Variants in ASH2L observed in about 807,000 individuals in gnomAD.
ASH2L encodes ASH2 like, histone lysine methyltransferase complex subunit.
A neutral mutation model predicts 81.1 loss-of-function variants in ASH2L; 30 were observed. The ratio of observed to expected loss-of-function variants is 0.37; its 90% CI spans 0.28 to 0.50. The LOEUF (loss-of-function observed/expected upper bound fraction) is 0.50. Among genes scored for constraint, ASH2L ranks in the 20% least tolerant of loss-of-function variants. The probability of loss-of-function intolerance (pLI) is 0.95; values close to 1 mark genes in which losing one functional copy is unlikely to be tolerated. For missense variants in ASH2L, 559 were observed against 792.1 expected, an observed-to-expected ratio of 0.71 and a Z score of 3.53; for synonymous variants, 273 against 279.9, an observed-to-expected ratio of 0.98 and a Z score of 0.24.
chr8:38,121,018 T>A lies in ASH2L; in HGVS notation c.1034T>A (p.Leu345Gln). 6.2e-7 allele frequency: 1 copy of A among 1,613,844 alleles called. No homozygotes were observed. Among genetic ancestry groups the A allele is most frequent in the Non-Finnish European group, 8.5e-7 (1 of 1,179,922 alleles). The change falls in exon 10 of 16, where the codon CTA becomes CAA. Residue 345 changes from leucine to glutamine, a missense_variant. Leu to Gln is a moderately radical substitution (Grantham distance 113). Transcript: ENST00000343823. ...AACAAAGATGGCTATCGGTATATTC[T>A]AGCTGAGCCTGATCCGCACGCCCCT... is the stretch of plus-strand genomic sequence containing the variant. Reference protein sequence around the residue: ...PFNKDGYRYILAEPDPHAPDP... With the variant: ...PFNKDGYRYIQAEPDPHAPDP...
intron 7 of ASH2L, among the ~76,000 whole-genome samples, chr8:38,116,163 A>G (rs192333860): frequency 8.5e-5 from 13 of 152,310 alleles, no homozygotes; most frequent in Admixed American, 8.5e-4. Context: ...AGGAGTTTTG[A>G]GACCAGCCTA....
intron 14 of ASH2L, among the ~76,000 whole-genome samples, chr8:38,136,217 G>C (rs1802250965): frequency 1.3e-5 from 2 of 148,996 alleles, no homozygotes. Flanking sequence ...CTCCTGAGTA[G>C]GTGGGGTGTG....
chr8:38,120,677 T>A (rs1268510254), intron 9 of ASH2L, among the ~76,000 whole-genome samples: 1 of 126,580 alleles, frequency 7.9e-6, no homozygotes, highest in African/African-American at 3.0e-5. Context: ...TCAATTCATG[T>A]TTAAAGACCA....
rs377548882 is a variant in ASH2L, at chr8:38,126,620, C to T, written c.1166-1671C>T. On this transcript the variant is annotated intron_variant, in intron 10 of 15. Transcript: ENST00000343823. ...CTGTAATCCCAGCACTTTGGGAGGCCGAGGCAGGCGGATCACGAGGTCAGG... is the reference window on the plus strand; with the variant it reads ...CTGTAATCCCAGCACTTTGGGAGGCTGAGGCAGGCGGATCACGAGGTCAGG... 5.8e-3 allele frequency among the ~76,000 whole-genome samples: 874 copies of T among 151,770 alleles called. 1 individual carries two copies. Among genetic ancestry groups the T allele is most frequent in the Middle Eastern group, 0.024 (7 of 294 alleles).
chr8:38,136,102 A>ATTT lies in ASH2L; in HGVS notation c.1719+361_1719+363dup, dbSNP rs772313591. ...TTATTAGTCATTGTTGCTTACAATG[A>ATTT]TTTTTTTTTTTTTTTTTTTTTTTTT... On this transcript the variant is annotated intron_variant, in intron 14 of 15. Transcript: ENST00000343823. 5.9e-4 allele frequency among the ~76,000 whole-genome samples: 58 copies of ATTT among 97,854 alleles called. 3 individuals carry two copies. The highest frequency in any genetic ancestry group is 1.0e-3 in the South Asian group (3 of 2,880). 64.2% of individuals were successfully genotyped at this position (97,854 alleles called of 152,430 possible). A position where few individuals can be genotyped will look rare whatever the true frequency, so the allele number is the denominator to read the frequency against.
rs1325971347 is a variant in ASH2L, at chr8:38,139,119, GT to G, written c.*52del. ...GGACTTTCTGGGAATAATACTGGGG[GT>G]TTTGTTTTTGTTTTTGAACTGTCTC... On this transcript the variant is annotated 3_prime_UTR_variant, in exon 16 of 16. Transcript: ENST00000343823. 1 of 1,406,868 alleles carries G rather than the reference GT, an allele frequency of 7.1e-7. No individual in the cohort carries two copies. Among genetic ancestry groups the G allele is most frequent in the South Asian group, 1.3e-5 (1 of 74,448 alleles). The allele number at this position is 1,406,868 out of a possible 1,614,324, so 87.1% of individuals were successfully genotyped here.
At chr8:38,130,554 A>G (rs1260147931) in intron 12 of ASH2L, among the ~76,000 whole-genome samples, 1 of 152,112 alleles carries the variant, frequency 6.6e-6, no homozygotes, top group African/African-American at 2.4e-5. Flanking sequence ...CTTTGAAAAC[A>G]TCATGGTGTT....
intron 7 of ASH2L, among the ~76,000 whole-genome samples, chr8:38,116,021 G>C (rs1025567549): frequency 1.3e-5 from 2 of 152,078 alleles, no homozygotes; most frequent in Non-Finnish European, 2.9e-5. Flanking sequence ...GAGATCGGGA[G>C]TTGGAGACCA....
At position 38,110,907 on chromosome 8, in the gene ASH2L, G is replaced by A. The variant is rs1383149494; in HGVS notation, c.585+74G>A. The A allele has an allele frequency of 5.0e-6, 6 of 1,204,588 alleles. No individual in the cohort carries two copies. In the Admixed American group the frequency reaches 7.9e-5, roughly 16 times the overall value. The allele number at this position is 1,204,588 out of a possible 1,614,324, so 74.6% of individuals were successfully genotyped here. On this transcript the variant is annotated intron_variant, in intron 5 of 15. Transcript: ENST00000343823. ...AACTTCTAAATATACTCCCTAACAA[G>A]TACTTTCTTCCCAGTTTTTATTGAA...
chr8:38,128,261 C>T (rs764648074), intron 10 of ASH2L, 30 bp from the exon 11 acceptor site: 63 of 1,612,508 alleles, frequency 3.9e-5, no homozygotes, highest in Non-Finnish European at 4.7e-5. Flanking sequence ...AAATAAGTTG[C>T]AGGCCTTCTT....
intron 2 of ASH2L, 87 bp downstream of exon 2, chr8:38,106,531 G>A: frequency 8.8e-7 from 1 of 1,135,456 alleles, no homozygotes; most frequent in Non-Finnish European, 1.2e-6. Flanking sequence ...TTGTTGCGAC[G>A]GAGCCTTGCT....
chr8:38,106,991 T>C (rs772333911), intron 2 of ASH2L, 30 bp from the exon 3 acceptor site: 1 of 1,612,138 alleles, frequency 6.2e-7, no homozygotes, highest in Non-Finnish European at 8.5e-7. Flanking sequence ...TCAAGTCAAC[T>C]GATTTGAGTC....
At position 38,120,921 on chromosome 8, in the gene ASH2L, C is replaced by G; in HGVS notation, c.948-11C>G. ...TTTTAGTTTTTTGATGTTATTTTTT[C>G]CTTTCTGCAGTGACCCTTTGTTTTC... On this transcript the variant is annotated splice_polypyrimidine_tract_variant and intron_variant, in intron 9 of 15. Coordinates refer to ENST00000343823, the MANE Select transcript of ASH2L (RefSeq NM_004674.5). 6.2e-7 allele frequency: 1 copy of G among 1,608,942 alleles called. No homozygotes were observed.
chr8:38,106,723 C>T (rs568941630), intron 2 of ASH2L, among the ~76,000 whole-genome samples: 2 of 152,000 alleles, frequency 1.3e-5, no homozygotes, highest in South Asian at 2.1e-4. Context: ...GTTGGCCAGG[C>T]TGGTCTCGAA....
chr8:38,109,158 A>G (rs1810578773), intron 3 of ASH2L, among the ~76,000 whole-genome samples: 1 of 152,246 alleles, frequency 6.6e-6, no homozygotes, highest in Admixed American at 6.5e-5. Flanking sequence ...GTGAGCTAGC[A>G]GGGTATAAAA....
At chr8:38,119,219 C>T (rs1355589799) in intron 8 of ASH2L, 51 bp from the exon 9 acceptor site, 2 of 1,491,912 alleles carry the variant, frequency 1.3e-6, no homozygotes, top group African/African-American at 2.8e-5. Flanking sequence ...TCAGTATCCA[C>T]ATGGTGTTTC....
chr8:38,128,515 C>T, intron 11 of ASH2L, 57 bp downstream of exon 11: 1 of 1,582,892 alleles, frequency 6.3e-7, no homozygotes, highest in Non-Finnish European at 8.6e-7. Context: ...GACCATCTGG[C>T]CAAGGGCTAA....
Position 38,105,706 on chromosome 8 carries a change from A to G in ASH2L, c.156A>G (p.Thr52=). 6.5e-7 allele frequency: 1 copy of G among 1,549,086 alleles called. No individual in the cohort carries two copies. Among genetic ancestry groups the G allele is most frequent in the Non-Finnish European group, 8.7e-7 (1 of 1,149,960 alleles). ...GAGAGGGGATCTCTGCTGCTCCGAC[A>G]GTTGAGCCCAGTTCCGGGGAGGCTG... ...PPGEGISAAP[T]VEPSSGEAEG... The change falls in exon 1 of 16, where the codon ACA becomes ACG. Residue 52 remains threonine, a synonymous_variant. Transcript: ENST00000343823.
chr8:38,106,253 T>A (rs1810425520), intron 1 of ASH2L, 125 bp from the exon 2 acceptor site: 1 of 1,374,326 alleles, frequency 7.3e-7, no homozygotes, highest in Admixed American at 1.8e-5. Context: ...CAGTCTGAGA[T>A]CAGGCTTAGC....
Sources: gnomAD v4.1 joint callset for allele counts (sites outside exome capture counted in the v4.1 genomes callset) on GRCh38, gnomAD v4.1.1 for gene constraint, MANE v1.5 for transcripts, NCBI Gene and HGNC (gene_info 2026-07-23, HGNC 2026-07-21) for gene names.